KIF21A: variants seen among roughly 807,000 people sequenced by gnomAD.
KIF21A encodes kinesin-like protein KIF21A.
In KIF21A, 114 loss-of-function variants were observed where a neutral mutation model predicts 202.9. The observed-to-expected ratio is 0.56, with a 90% CI of 0.48 to 0.66. KIF21A has a LOEUF of 0.66. Ranked by LOEUF, KIF21A falls within the 30% of genes least tolerant of loss-of-function variation. The probability of loss-of-function intolerance (pLI) is 0.00; values close to 1 mark genes in which losing one functional copy is unlikely to be tolerated. For synonymous variants in KIF21A, 667 were observed against 670.8 expected, an observed-to-expected ratio of 0.99 and a Z score of 0.09; for missense variants, 1,677 against 1,994.9, an observed-to-expected ratio of 0.84 and a Z score of 3.04.
chr12:39,307,749 GC>G lies in KIF21A; in HGVS notation c.4278-21del. 6.2e-7 allele frequency: 1 copy of G among 1,611,666 alleles called. No individual in the cohort carries two copies. The highest frequency in any genetic ancestry group is 8.5e-7 in the Non-Finnish European group (1 of 1,178,648). ...GAAGACCTTAAGAGATACAAACAAAGCAAAAAAGTCACACTTCTGGACTTGG... is the reference window on the plus strand; with the variant it reads ...GAAGACCTTAAGAGATACAAACAAAGAAAAAAGTCACACTTCTGGACTTGG... On this transcript the variant is annotated intron_variant, in intron 33 of 37. Transcript: ENST00000361418.
At chr12:39,391,123 A>G (rs2139650119) in intron 1 of KIF21A, among the ~76,000 whole-genome samples, 1 of 152,314 alleles carries the variant, frequency 6.6e-6, no homozygotes, top group South Asian at 2.1e-4. Context: ...TACTGATTCC[A>G]TCACTGAAAC....
intron 1 of KIF21A, among the ~76,000 whole-genome samples, chr12:39,378,344 A>G (rs1950393463): frequency 6.6e-6 from 1 of 152,222 alleles, no homozygotes; most frequent in Admixed American, 6.5e-5. Flanking sequence ...ATGTCCAAAG[A>G]ACTACATTGA....
chr12:39,359,083 G>T (rs1006380542), intron 7 of KIF21A, among the ~76,000 whole-genome samples: 2 of 152,158 alleles, frequency 1.3e-5, no homozygotes, highest in Admixed American at 1.3e-4. Flanking sequence ...TGTAGGAACT[G>T]CAATTAAGGA....
intron 6 of KIF21A, among the ~76,000 whole-genome samples, chr12:39,365,262 C>G (rs1371595566): frequency 1.3e-5 from 2 of 152,222 alleles, no homozygotes; most frequent in Non-Finnish European, 2.9e-5. Flanking sequence ...ATTTAGCTGG[C>G]TCTGTGTGCA....
intron 1 of KIF21A, among the ~76,000 whole-genome samples, chr12:39,407,424 C>T (rs1952682716): frequency 6.6e-6 from 1 of 152,188 alleles, no homozygotes; most frequent in African/African-American, 2.4e-5. Flanking sequence ...CTCCTTTACT[C>T]AGGCCTTTGT....
At position 39,421,783 on chromosome 12, in the gene KIF21A, A is replaced by AATATGTATAATTTTATATATTATATAATT. The variant is rs1024680103; in HGVS notation, c.44+21115_44+21143dup. On this transcript the variant is annotated intron_variant, in intron 1 of 37. Coordinates refer to ENST00000361418, the MANE Select transcript of KIF21A (RefSeq NM_001173464.2). Reference sequence around the variant, plus strand: ...TATATTTATTTATATATAAAAATAAAATATGTATAATTTTATATATTATAT... The same window carrying AATATGTATAATTTTATATATTATATAATT: ...TATATTTATTTATATATAAAAATAAAATATGTATAATTTTATATATTATATAATTATATGTATAATTTTATATATTATAT... 2.9e-3 allele frequency among the ~76,000 whole-genome samples: 422 copies of AATATGTATAATTTTATATATTATATAATT among 146,764 alleles called. 3 individuals are homozygous for AATATGTATAATTTTATATATTATATAATT. The highest frequency in any genetic ancestry group is 4.1e-3 in the African/African-American group (168 of 40,568).
intron 11 of KIF21A, among the ~76,000 whole-genome samples, chr12:39,349,759 A>G (rs572192375): frequency 6.6e-6 from 1 of 152,206 alleles, no homozygotes; most frequent in African/African-American, 2.4e-5. Flanking sequence ...TCAAAAAAAC[A>G]TTTGATTATA....
At chr12:39,396,975 A>C (rs1951802448) in intron 1 of KIF21A, among the ~76,000 whole-genome samples, 1 of 152,234 alleles carries the variant, frequency 6.6e-6, no homozygotes. Context: ...TAAATAGTGT[A>C]TGATTTTATT....
chr12:39,302,985 T>A lies in KIF21A; in HGVS notation c.4711A>T (p.Thr1571Ser). The change falls in exon 36 of 38, where the codon ACT becomes TCT. Residue 1571 changes from threonine to serine, a missense_variant. Coordinates refer to ENST00000361418, the MANE Select transcript of KIF21A (RefSeq NM_001173464.2). ...RDNGIKKWDL[T>S]QKDLLQQVPN... ...ATTACCTGAAGAAGGTCTTTTTGAG[T>A]TAAGTCCCATTTCTTGATTCCATTA... The A allele has an allele frequency of 6.2e-7, 1 of 1,613,978 alleles. No individual in the cohort carries two copies. The highest frequency in any genetic ancestry group is 8.5e-7 in the Non-Finnish European group (1 of 1,179,880).
Position 39,322,828 on chromosome 12 carries a change from G to A in KIF21A, c.3511C>T (p.Leu1171=). 1 of 1,611,990 alleles carries A rather than the reference G, an allele frequency of 6.2e-7. No individual in the cohort carries two copies. Among genetic ancestry groups the A allele is most frequent in the East Asian group, 2.2e-5 (1 of 44,680 alleles). Residue 1171 remains leucine (L), a synonymous_variant, in exon 27 of 38, where the codon CTA becomes TTA. Transcript: ENST00000361418. ...MELLYADSSE[L]ASDTSTGDAS... is the part of the protein sequence containing the mutation. ...TCTCCTGTACTAGTGTCTGAAGCTAGTTCACTGCTATCTGCATACAGCAAT... is the reference window on the plus strand; with the variant it reads ...TCTCCTGTACTAGTGTCTGAAGCTAATTCACTGCTATCTGCATACAGCAAT...
Position 39,303,165 on chromosome 12 carries a change from T to C in KIF21A, c.4561-30A>G, listed in dbSNP as rs890672400. The C allele has an allele frequency of 4.4e-6, 7 of 1,607,160 alleles. No individual in the cohort carries two copies. In the African/African-American group the frequency reaches 5.3e-5, roughly 12 times the overall value. On this transcript the variant is annotated intron_variant, in intron 35 of 37. Coordinates refer to ENST00000361418, the MANE Select transcript of KIF21A (RefSeq NM_001173464.2). Reference sequence around the variant, plus strand: ...AAAGGTAGAAACAAAGCAGTTATCCTATTTAACTTGCAAATAAACACCAAT... The same window carrying C: ...AAAGGTAGAAACAAAGCAGTTATCCCATTTAACTTGCAAATAAACACCAAT...
In KIF21A at chr12:39,420,211, G is replaced by T. The variant is rs537478656; in HGVS notation, c.44+22716C>A. 3.3e-5 allele frequency among the ~76,000 whole-genome samples: 5 copies of T among 152,106 alleles called. No individual in the cohort carries two copies. In the South Asian group the frequency reaches 1.0e-3, roughly 32 times the overall value. ...CAAAATGAGAATGGCCCGAGAATAT[G>T]CCATTTCACTGGAATTTTGCTAAGG... On this transcript the variant is annotated intron_variant, in intron 1 of 37. Coordinates refer to ENST00000361418, the MANE Select transcript of KIF21A (RefSeq NM_001173464.2).
Position 39,442,830 on chromosome 12 carries a change from C to A in KIF21A, c.44+97G>T. On this transcript the variant is annotated intron_variant, in intron 1 of 37. Transcript: ENST00000361418. The surrounding 1 kb of genome is among the most constrained non-coding windows in gnomAD (Gnocchi z 5.0). ...AACCCGGCCGGGACGCCCCTCAGGT[C>A]GCTCCACCCCGGTAGCCGGTGCTCC... 2.8e-6 allele frequency: 4 copies of A among 1,429,290 alleles called. No homozygotes were observed. The highest frequency in any genetic ancestry group is 2.5e-5 in the South Asian group (2 of 80,144). 88.5% of individuals were successfully genotyped at this position (1,429,290 alleles called of 1,614,324 possible). A position where few individuals can be genotyped will look rare whatever the true frequency, so the allele number is the denominator to read the frequency against.
rs191984533 is a variant in KIF21A at position 39,388,821 on chromosome 12, T to C, written c.45-18560A>G. Among the ~76,000 whole-genome samples, 412 of 152,320 alleles carry C rather than the reference T, an allele frequency of 2.7e-3. 1 individual carries two copies. The highest frequency in any genetic ancestry group is 0.017 in the South Asian group (82 of 4,828). ...TCACTACACAAAAATCAGTGTTTTG[T>C]AAAACCATTTACTACCAGATACAGT... is the stretch of plus-strand genomic sequence containing the variant. On this transcript the variant is annotated intron_variant, in intron 1 of 37. Transcript: ENST00000361418.
intron 7 of KIF21A, among the ~76,000 whole-genome samples, chr12:39,361,672 A>AT (rs1207120084): frequency 1.3e-5 from 2 of 150,284 alleles, no homozygotes; most frequent in East Asian, 4.0e-4. Flanking sequence ...CGCCTGGCTA[A>AT]TTTTTTTGTA....
chr12:39,341,894 GAAAC>G, intron 13 of KIF21A, 136 bp downstream of exon 13: 1 of 723,846 alleles, frequency 1.4e-6, no homozygotes, highest in Non-Finnish European at 2.4e-6. Context: ...TATCTCTGAA[GAAAC>G]ATCTTCAAAG....
intron 4 of KIF21A, 143 bp downstream of exon 4, chr12:39,367,740 G>A: frequency 1.5e-6 from 1 of 667,766 alleles, no homozygotes; most frequent in Non-Finnish European, 2.6e-6. Context: ...TTTTTTAAAT[G>A]TGAGGAAAGA....
At chr12:39,319,714 C>G (rs1056170247) in intron 28 of KIF21A, among the ~76,000 whole-genome samples, 192 bp downstream of exon 28, 1 of 152,056 alleles carries the variant, frequency 6.6e-6, no homozygotes, top group African/African-American at 2.4e-5. Context: ...AATATCTTTA[C>G]AGGTATATGT....
chr12:39,358,067 AT>A, intron 8 of KIF21A, 110 bp downstream of exon 8: 1 of 941,854 alleles, frequency 1.1e-6, no homozygotes, highest in Non-Finnish European at 1.7e-6. Flanking sequence ...GGAGGACACT[AT>A]TATGACAACC....
Sources: gnomAD v4.1 joint callset for allele counts (sites outside exome capture counted in the v4.1 genomes callset) on GRCh38, gnomAD v4.1.1 for gene constraint, Gnocchi (gnomAD v3.1) non-coding constraint, MANE v1.5 for transcripts, NCBI Gene and HGNC (gene_info 2026-07-23, HGNC 2026-07-21) for gene names.